Variants in ABCB9 observed in about 807,000 individuals in gnomAD.
The protein encoded by ABCB9 is ATP binding cassette subfamily B member 9, also known as ABC-type oligopeptide transporter ABCB9.
A neutral mutation model predicts 62.0 loss-of-function variants in ABCB9; 36 were observed. That is an observed-to-expected ratio of 0.58 (90% confidence interval 0.45 to 0.77). The LOEUF (loss-of-function observed/expected upper bound fraction) is 0.77. ABCB9 is among the 30% of genes least tolerant of loss of function. The pLI is 0.00. For missense variants in ABCB9, 943 were observed against 1,054.7 expected (o/e 0.89, Z 1.47); for synonymous variants, 435 against 461.4 (o/e 0.94, Z 0.73).
chr12:122,963,880 T>C (rs1266165400), intron 1 of ABCB9, among the ~76,000 whole-genome samples: 1 of 152,170 alleles, frequency 6.6e-6, no homozygotes, highest in Admixed American at 6.5e-5. Context: ...GTGGGTAGGA[T>C]GGTCGGACAC....
rs139379072 is a variant in ABCB9 at position 122,944,481 on chromosome 12, G to A, written c.1290C>T (p.Tyr430=). ...GGCCTGAGATGACAAGGTGGCCCCC[G>A]TAGTAGAGGATGCTGACCTGGACCA... is the stretch of plus-strand genomic sequence containing the variant. The part of the protein sequence containing the change: ...LLVVQVSILY[Y]GGHLVISGQM... The change falls in exon 7 of 12, where the codon TAC becomes TAT. Residue 430 remains tyrosine (Y), a synonymous_variant. Transcript: ENST00000280560. The surrounding 1 kb of genome is among the most constrained non-coding windows in gnomAD (Gnocchi z 4.9). The A allele has an allele frequency of 2.2e-5, 35 of 1,613,914 alleles. No individual in the cohort carries two copies. The highest frequency in any genetic ancestry group is 1.9e-4 in the African/African-American group (14 of 74,938).
At chr12:122,965,405 A>C (rs2037117903) in intron 1 of ABCB9, among the ~76,000 whole-genome samples, 1 of 152,220 alleles carries the variant, frequency 6.6e-6, no homozygotes, top group South Asian at 2.1e-4. Context: ...ACTGACTGAC[A>C]GAGGCCTGCT....
intron 7 of ABCB9, among the ~76,000 whole-genome samples, chr12:122,942,652 A>G (rs1207271896): frequency 1.3e-5 from 2 of 151,430 alleles, no homozygotes; most frequent in East Asian, 3.9e-4. Context: ...AAAAAGAAAA[A>G]CATTAGCTGG....
rs2035219976 is a variant in ABCB9 at position 122,932,324 on chromosome 12, T to C, written c.1908A>G (p.Thr636=). The change falls in exon 11 of 12, where the codon ACA becomes ACG. Residue 636 remains threonine, a synonymous_variant. Transcript: ENST00000280560. This position sits in a 1 kb window ranked among gnomAD's most constrained non-coding sequence, Gnocchi z 4.7. ...CTGACAGCTGGGCGCCCTTCTCCCC[T>C]GTCTCTGTATGGTGGAGGCACAGAG... ...MELQDGYSTE[T]GEKGAQLSGG... The C allele has an allele frequency of 6.4e-7, 1 of 1,550,390 alleles. No homozygotes were observed.
At chr12:122,920,868 G>A (rs779917488), downstream of ABCB9, 74 of 666,054 alleles carry the variant, frequency 1.1e-4, no homozygotes, top group African/African-American at 1.1e-3. Context: ...AGGTGAGATC[G>A]TACCACTGCA....
chr12:122,948,879 G>T (rs1489812778), intron 4 of ABCB9, 50 bp from the exon 5 acceptor site: 3 of 1,441,698 alleles, frequency 2.1e-6, no homozygotes, highest in African/African-American at 1.5e-5. Flanking sequence ...GGCCTTGGGG[G>T]TGGCGGTGGG....
Position 122,959,643 on chromosome 12 carries a change from G to A in ABCB9, c.593C>T (p.Ala198Val). The change falls in exon 2 of 12, where the codon GCA becomes GTA. Residue 198 changes from alanine to valine, a missense_variant. By Grantham distance (64) the Ala-to-Val change is moderately conservative. Transcript: ENST00000280560. This position sits in a 1 kb window ranked among gnomAD's most constrained non-coding sequence, Gnocchi z 5.4. ...CCGAGGTCCTTACTTACCCAGAGCT[G>A]CCACGATGAGGAAGAAGGAGGCGGC... is the stretch of plus-strand genomic sequence containing the variant. The part of the protein sequence containing the change: ...LVAASFFLIV[A>V]ALGETFLPYY... 6.4e-7 allele frequency: 1 copy of A among 1,558,826 alleles called. No individual in the cohort carries two copies. The highest frequency in any genetic ancestry group is 1.2e-5 in the South Asian group (1 of 83,902).
Position 122,957,699 on chromosome 12 carries a change from GT to G in ABCB9, c.601+1935del, listed in dbSNP as rs532994359. On this transcript the variant is annotated intron_variant, in intron 2 of 11. Transcript: ENST00000280560. ...TTTTTTTGGTCTCAAACTGCTGAGAGTTTTTTTTTTTTTTCGTTATCTGCCT... is the reference window on the plus strand; with the variant it reads ...TTTTTTTGGTCTCAAACTGCTGAGAGTTTTTTTTTTTTTCGTTATCTGCCT... Among the ~76,000 whole-genome samples the G allele has an allele frequency of 1.0e-3, 126 of 125,166 alleles. 2 individuals carry two copies. In the South Asian group the frequency reaches 0.011, roughly 11 times the overall value. 82.1% of individuals were successfully genotyped at this position (125,166 alleles called of 152,430 possible).
In ABCB9 at chr12:122,929,574, G is replaced by C. The variant is rs1296968829; in HGVS notation, c.*337C>G. On this transcript the variant is annotated 3_prime_UTR_variant, in exon 12 of 12. Coordinates refer to ENST00000280560, the MANE Select transcript of ABCB9 (RefSeq NM_019625.4). The surrounding 1 kb of genome is among the most constrained non-coding windows in gnomAD (Gnocchi z 6.0). ...AAGTGCCCGCCATTACTCCCAATTA[G>C]AAAAAGGTTTTTGAAATCTAGGAGT... 3 of 1,109,776 alleles carry C rather than the reference G, an allele frequency of 2.7e-6. No homozygotes were observed. Among genetic ancestry groups the C allele is most frequent in the Admixed American group, 4.9e-5 (1 of 20,294 alleles). 68.7% of individuals were successfully genotyped at this position (1,109,776 alleles called of 1,614,324 possible).
chr12:122,953,945 T>C (rs556216908), intron 2 of ABCB9, among the ~76,000 whole-genome samples: 10 of 152,332 alleles, frequency 6.6e-5, no homozygotes, highest in African/African-American at 2.4e-4. Flanking sequence ...AAGAGGAAAC[T>C]GAGGCTCAGA....
At position 122,935,394 on chromosome 12, in the gene ABCB9, C is replaced by T. The variant is rs771047411; in HGVS notation, c.1781G>A (p.Arg594His). 3.7e-6 allele frequency: 6 copies of T among 1,613,818 alleles called. No homozygotes were observed. Among genetic ancestry groups the T allele is most frequent in the South Asian group, 2.2e-5 (2 of 91,062 alleles). The part of the protein sequence containing the change: ...LVSQEPVLFA[R>H]SITDNISYGL... ...GTAGGAGATGTTATCCGTGATGGAG[C>T]GGGCGAACAGCACGGGCTCCTGGCT... The change falls in exon 10 of 12, where the codon CGC (arginine) becomes CAC (histidine). Residue 594 changes from arginine to histidine, a missense_variant. Coordinates refer to ENST00000280560, the MANE Select transcript of ABCB9 (RefSeq NM_019625.4).
chr12:122,955,324 T>C (rs1937365113), intron 2 of ABCB9, among the ~76,000 whole-genome samples: 1 of 152,222 alleles, frequency 6.6e-6, no homozygotes, highest in African/African-American at 2.4e-5. Flanking sequence ...TATTTAAGGA[T>C]GTCTGCATTC....
intron 7 of ABCB9, among the ~76,000 whole-genome samples, chr12:122,942,024 C>T (rs1207978056): frequency 2.0e-5 from 3 of 152,068 alleles, no homozygotes; most frequent in African/African-American, 4.8e-5. Context: ...CCACTGCGTC[C>T]GGCCAAGCAT....
In ABCB9 at chr12:122,948,605, A is replaced by G. The variant is rs759675883; in HGVS notation, c.1053+19T>C. The G allele has an allele frequency of 1.3e-6, 2 of 1,596,834 alleles. No individual in the cohort carries two copies. The highest frequency in any genetic ancestry group is 3.4e-5 in the Admixed American group (2 of 58,102). Reference sequence around the variant, plus strand: ...GCTGCCAGGGTGCACAGTCCCCAGCAGAGACAGGGCAGGCCTACCTTGTAG... The same window carrying G: ...GCTGCCAGGGTGCACAGTCCCCAGCGGAGACAGGGCAGGCCTACCTTGTAG... On this transcript the variant is annotated intron_variant, in intron 5 of 11. Transcript: ENST00000280560.
In ABCB9 at chr12:122,959,872, AC is replaced by A. The variant is rs2135910105; in HGVS notation, c.363del (p.Trp122GlyfsTer136). 3 of 1,613,540 alleles carry A rather than the reference AC, an allele frequency of 1.9e-6. No individual in the cohort carries two copies. The highest frequency in any genetic ancestry group is 2.5e-6 in the Non-Finnish European group (3 of 1,179,882). On this transcript the variant is annotated frameshift_variant, in exon 2 of 12. Coordinates refer to ENST00000280560, the MANE Select transcript of ABCB9 (RefSeq NM_019625.4). LOFTEE classifies it high-confidence loss of function. The surrounding 1 kb of genome is among the most constrained non-coding windows in gnomAD (Gnocchi z 5.4). ...GATGCGCCGAGTGAAATGTACGTCC[AC>A]ACGAACAGGGCCCAAAACCAGGGGT... ...IRDPWFWALF[V>X]WTYISLGASF...
At chr12:122,941,032 A>C in intron 7 of ABCB9, 37 bp from the exon 8 acceptor site, 1 of 1,529,728 alleles carries the variant, frequency 6.5e-7, no homozygotes, top group Non-Finnish European at 8.9e-7. Context: ...TCCCACCGAT[A>C]CCCGACTCCT....
In ABCB9 at chr12:122,932,165, C is replaced by A; in HGVS notation, c.2040+27G>T. On this transcript the variant is annotated intron_variant, in intron 11 of 11. Transcript: ENST00000280560. The surrounding 1 kb of genome is among the most constrained non-coding windows in gnomAD (Gnocchi z 4.7). The stretch of plus-strand genomic sequence containing the variant: ...GGCCACCTGGAGCCGCTCCTGCCCC[C>A]GCATTGCCCACCACCCTGTGACTCA... The A allele has an allele frequency of 1.3e-6, 2 of 1,551,200 alleles. No individual in the cohort carries two copies. Among genetic ancestry groups the A allele is most frequent in the South Asian group, 2.4e-5 (2 of 84,030 alleles).
At chr12:122,924,027 C>T (rs915991939), downstream of ABCB9, among the ~76,000 whole-genome samples, 2 of 152,208 alleles carry the variant, frequency 1.3e-5, no homozygotes, top group East Asian at 3.8e-4. Context: ...ACCAGGGTCC[C>T]TGTGGGCTCC....
rs1202893478 is a variant in ABCB9, at chr12:122,921,012, G to A, written c.*26C>T. On this transcript the variant is annotated 3_prime_UTR_variant, in exon 12 of 12. Coordinates refer to the ABCB9 transcript ENST00000344275. ...ATTGTCATCATCATCAATCCATCTC[G>A]GTTCTGATATCTGCAGGCTGGTCAT... The A allele has an allele frequency of 6.5e-6, 10 of 1,534,426 alleles. No individual in the cohort carries two copies. In the South Asian group the frequency reaches 7.1e-5, roughly 11 times the overall value.
Sources: gnomAD v4.1 joint callset for allele counts (sites outside exome capture counted in the v4.1 genomes callset) on GRCh38, gnomAD v4.1.1 for gene constraint, Gnocchi (gnomAD v3.1) non-coding constraint, MANE v1.5 for transcripts, NCBI Gene and HGNC (gene_info 2026-07-23, HGNC 2026-07-21) for gene names.